Variants in GALNT5 observed in about 807,000 individuals in gnomAD.
GALNT5 encodes the protein polypeptide N-acetylgalactosaminyltransferase 5, also known as UDP-GalNAc:polypeptide N-acetylgalactosaminyltransferase 5.
A neutral mutation model predicts 85.4 loss-of-function variants in GALNT5; 72 were observed. The ratio of observed to expected loss-of-function variants is 0.84; its 90% CI spans 0.70 to 1.03. The LOEUF is 1.03. Among genes scored for constraint, GALNT5 ranks in the 50% least tolerant of loss-of-function variants. The probability of loss-of-function intolerance (pLI) is 0.00; values close to 1 mark genes in which losing one functional copy is unlikely to be tolerated. For missense variants in GALNT5, 1,137 were observed against 1,135.5 expected (o/e 1.00, Z -0.02); for synonymous variants, 404 against 397.0 (o/e 1.02, Z -0.21).
intron 1 of GALNT5, among the ~76,000 whole-genome samples, chr2:157,277,995 G>A (rs1013838781): frequency 6.6e-6 from 1 of 152,122 alleles, no homozygotes; most frequent in Non-Finnish European, 1.5e-5. Flanking sequence ...CTTCCTTCAG[G>A]AGCTCTTGTA....
chr2:157,307,423 C>T (rs933117826), intron 8 of GALNT5, among the ~76,000 whole-genome samples: 15 of 152,302 alleles, frequency 9.8e-5, no homozygotes, highest in Admixed American at 4.6e-4. Flanking sequence ...ACCTTTAAAG[C>T]AGTTGAAACG....
At chr2:157,309,976 G>A (rs1358679968) in intron 9 of GALNT5, among the ~76,000 whole-genome samples, 1 of 152,098 alleles carries the variant, frequency 6.6e-6, no homozygotes, top group Non-Finnish European at 1.5e-5. Flanking sequence ...AGGAGGGAGG[G>A]AAGGAGAAAG....
chr2:157,274,221 T>C (rs574512089), intron 1 of GALNT5, among the ~76,000 whole-genome samples: 275 of 152,324 alleles, frequency 1.8e-3, no homozygotes, highest in Admixed American at 4.8e-3. Context: ...CATTCTATCA[T>C]TGATGGACAT....
At chr2:157,297,464 G>A (rs58323773) in intron 5 of GALNT5, among the ~76,000 whole-genome samples, 3,597 of 152,158 alleles carry the variant, frequency 0.024, 161 homozygotes, top group East Asian at 0.18. Context: ...CCAGGAATAC[G>A]CAGCTAATCA....
chr2:157,302,687 G>GA (rs1683368055), intron 7 of GALNT5: 1 of 152,070 alleles, frequency 6.6e-6, no homozygotes, highest in Non-Finnish European at 1.5e-5. Context: ...GAGGGCACTA[G>GA]AAAACTACCT....
chr2:157,273,152 G>A (rs1242546884), intron 1 of GALNT5, among the ~76,000 whole-genome samples: 1 of 152,028 alleles, frequency 6.6e-6, no homozygotes, highest in African/African-American at 2.4e-5. Flanking sequence ...TTCTCTCGTT[G>A]GGAAACTTTA....
Position 157,259,300 on chromosome 2 carries a change from C to A in GALNT5, c.1218C>A (p.Asn406Lys). Residue 406 changes from asparagine to lysine, a missense_variant, in exon 1 of 10, where the codon AAC (asparagine) becomes AAA (lysine). By Grantham distance (94) the Asn-to-Lys change is moderately conservative. Coordinates refer to ENST00000259056, the MANE Select transcript of GALNT5 (RefSeq NM_014568.3). The stretch of plus-strand genomic sequence containing the variant: ...CCAAAGCCCCCTCTACAGAATACAA[C>A]CAGAGTCATATAAAAGCCCTTTTAC... ...ITAKAPSTEY[N>K]QSHIKALLPE... The A allele has an allele frequency of 6.2e-7, 1 of 1,602,966 alleles. No homozygotes were observed. The highest frequency in any genetic ancestry group is 2.2e-5 in the East Asian group (1 of 44,776).
At chr2:157,263,105 GCGTGA>G (rs1682385222) in intron 1 of GALNT5, among the ~76,000 whole-genome samples, 2 of 151,648 alleles carry the variant, frequency 1.3e-5, no homozygotes, top group Non-Finnish European at 2.9e-5. Context: ...GGGATTGCAG[GCGTGA>G]GCCACCGCAT....
chr2:157,273,310 T>C (rs537383579), intron 1 of GALNT5, among the ~76,000 whole-genome samples: 49 of 152,310 alleles, frequency 3.2e-4, no homozygotes, highest in Admixed American at 8.5e-4. Context: ...ATTGTTGGAA[T>C]TGTTGGTAAT....
intron 1 of GALNT5, among the ~76,000 whole-genome samples, chr2:157,262,818 TC>T (rs1682374316): frequency 2.2e-5 from 3 of 135,284 alleles, no homozygotes; most frequent in Admixed American, 7.2e-5. Context: ...ATTTCACAAC[TC>T]TTTTTTTTTT....
chr2:157,281,903 A>G (rs1385864976), intron 1 of GALNT5, among the ~76,000 whole-genome samples: 5 of 152,196 alleles, frequency 3.3e-5, no homozygotes, highest in Non-Finnish European at 4.4e-5. Context: ...GTGCATACTG[A>G]TATCTTCTTT....
At chr2:157,295,075 G>A (rs1001332344) in intron 3 of GALNT5, among the ~76,000 whole-genome samples, 5 of 151,278 alleles carry the variant, frequency 3.3e-5, no homozygotes, top group African/African-American at 7.3e-5. Flanking sequence ...TGTTACATAC[G>A]TTCACATTGG....
In GALNT5 at chr2:157,305,740, G is replaced by A; in HGVS notation, c.2440-9G>A. ...TTTTGTAATTCCTGTTTCGTATTTTGCTTTTTAGCTTATTAATGTGGCTTT... is the reference window on the plus strand; with the variant it reads ...TTTTGTAATTCCTGTTTCGTATTTTACTTTTTAGCTTATTAATGTGGCTTT... On this transcript the variant is annotated splice_polypyrimidine_tract_variant and intron_variant, in intron 7 of 9. Transcript: ENST00000259056. 6.6e-7 allele frequency: 1 copy of A among 1,515,912 alleles called. No homozygotes were observed. Among genetic ancestry groups the A allele is most frequent in the Non-Finnish European group, 9.2e-7 (1 of 1,092,096 alleles). 93.9% of individuals were successfully genotyped at this position (1,515,912 alleles called of 1,614,324 possible). A position where few individuals can be genotyped will look rare whatever the true frequency, so the allele number is the denominator to read the frequency against.
intron 3 of GALNT5, among the ~76,000 whole-genome samples, chr2:157,293,467 T>C (rs1383149674): frequency 1.3e-5 from 2 of 152,180 alleles, no homozygotes; most frequent in African/African-American, 4.8e-5. Context: ...ATCTTAGGGT[T>C]AGGTTTCAAA....
At chr2:157,260,389 A>C (rs1682310704) in intron 1 of GALNT5, among the ~76,000 whole-genome samples, 1 of 152,258 alleles carries the variant, frequency 6.6e-6, no homozygotes, top group Non-Finnish European at 1.5e-5. Context: ...TTCAGTAACC[A>C]GTCCTTCAAA....
chr2:157,277,828 A>G (rs1682768341), intron 1 of GALNT5, among the ~76,000 whole-genome samples: 1 of 152,052 alleles, frequency 6.6e-6, no homozygotes, highest in Non-Finnish European at 1.5e-5. Flanking sequence ...TACATTTAAG[A>G]TTGATATTGT....
In GALNT5 at chr2:157,313,554, T is replaced by A. The variant is rs1167599213; in HGVS notation, c.*2206T>A. 6.6e-6 allele frequency: 1 copy of A among 152,280 alleles called. No homozygotes were observed. The highest frequency in any genetic ancestry group is 1.5e-5 in the Non-Finnish European group (1 of 68,004). 9.4% of individuals were successfully genotyped at this position (152,280 alleles called of 1,614,324 possible). On this transcript the variant is annotated 3_prime_UTR_variant, in exon 10 of 10. Transcript: ENST00000259056. ...TTACTGACAAACTGAACATGCTAGG[T>A]GCCTCATGTAATTCTTCATGTAACT...
chr2:157,284,316 A>G lies in GALNT5; in HGVS notation c.1489A>G (p.Thr497Ala). 1 of 1,613,904 alleles carries G rather than the reference A, an allele frequency of 6.2e-7. No homozygotes were observed. Among genetic ancestry groups the G allele is most frequent in the Non-Finnish European group, 8.5e-7 (1 of 1,179,898 alleles). Residue 497 changes from threonine (T) to alanine (A), a missense_variant, in exon 2 of 10, where the codon ACC becomes GCC. Thr to Ala is a moderately conservative substitution (Grantham distance 58, BLOSUM62 0). Coordinates refer to ENST00000259056, the MANE Select transcript of GALNT5 (RefSeq NM_014568.3). ...GCAGCTAGTTCACAATAACCTCCCA[A>G]CCACCAGTGTCATCATGTGCTTTGT... The part of the protein sequence containing the change: ...AEQLVHNNLP[T>A]TSVIMCFVDE...
In GALNT5 at chr2:157,300,621, C is replaced by T. The variant is rs867752932; in HGVS notation, c.2116-55C>T. ...GTGGTTTCTTGTCATTGTTAAGTGC[C>T]GATGATTTGTGGATAATCATTTGAT... On this transcript the variant is annotated intron_variant, in intron 6 of 9. Transcript: ENST00000259056. The T allele has an allele frequency of 4.7e-5, 64 of 1,368,480 alleles. No individual in the cohort carries two copies. In the Admixed American group the frequency reaches 4.8e-4, roughly 10 times the overall value. 84.8% of individuals were successfully genotyped at this position (1,368,480 alleles called of 1,614,324 possible). A position where few individuals can be genotyped will look rare whatever the true frequency, so the allele number is the denominator to read the frequency against.
Sources: gnomAD v4.1 joint callset for allele counts (sites outside exome capture counted in the v4.1 genomes callset) on GRCh38, gnomAD v4.1.1 for gene constraint, MANE v1.5 for transcripts, NCBI Gene and HGNC (gene_info 2026-07-23, HGNC 2026-07-21) for gene names.